Variants in TAFA5 observed in about 807,000 individuals in gnomAD.
TAFA5 encodes the protein TAFA chemokine like family member 5.
TAFA5 carries 6 observed loss-of-function variants against 15.3 expected under a neutral mutation model. The observed-to-expected ratio is 0.39, with a 90% CI of 0.21 to 0.77. TAFA5 has a LOEUF of 0.77. Among genes scored for constraint, TAFA5 ranks in the 30% least tolerant of loss-of-function variants. The probability of loss-of-function intolerance (pLI) is 0.41; values close to 1 mark genes in which losing one functional copy is unlikely to be tolerated. For missense variants in TAFA5, 161 were observed against 193.1 expected (o/e 0.83, Z 0.98); for synonymous variants, 103 against 80.7 (o/e 1.28, Z -1.48).
chr22:48,714,564 G>T (rs948153866), intron 3 of TAFA5, among the ~76,000 whole-genome samples: 10 of 152,172 alleles, frequency 6.6e-5, no homozygotes, highest in African/African-American at 2.4e-4. Flanking sequence ...CCTGGGCGGC[G>T]TTGGACCCTG....
chr22:48,565,260 C>T (rs931712422), intron 1 of TAFA5, among the ~76,000 whole-genome samples: 7 of 151,456 alleles, frequency 4.6e-5, no homozygotes, highest in South Asian at 2.1e-4. Flanking sequence ...GCACAGTAGG[C>T]GGGGCACTCC....
chr22:48,689,508 C>T (rs960039243), intron 2 of TAFA5, among the ~76,000 whole-genome samples: 1 of 152,188 alleles, frequency 6.6e-6, no homozygotes, highest in Non-Finnish European at 1.5e-5. Flanking sequence ...GAGGAACCTG[C>T]GCAGACTTGA....
chr22:48,671,575 G>A (rs1288109739), intron 2 of TAFA5, among the ~76,000 whole-genome samples: 1 of 152,186 alleles, frequency 6.6e-6, no homozygotes, highest in Admixed American at 6.5e-5. Context: ...CTGTTGGGAT[G>A]GAACAGTGTC....
At chr22:48,620,832 C>A (rs1338588731) in intron 1 of TAFA5, among the ~76,000 whole-genome samples, 1 of 96,692 alleles carries the variant, frequency 1.0e-5, no homozygotes. Flanking sequence ...ATACACCCAC[C>A]CACCCACACT....
chr22:48,728,650 A>G (rs1191212976), intron 3 of TAFA5, among the ~76,000 whole-genome samples: 1 of 152,232 alleles, frequency 6.6e-6, no homozygotes, highest in Non-Finnish European at 1.5e-5. Context: ...TGAAAGAGCT[A>G]CTCATCAGTG....
chr22:48,533,782 C>A (rs201422290), intron 1 of TAFA5, among the ~76,000 whole-genome samples: 1 of 151,566 alleles, frequency 6.6e-6, no homozygotes, highest in African/African-American at 2.4e-5. Context: ...TTTTTTTTTC[C>A]TTTTCCCACC....
chr22:48,526,571 G>A (rs1029295740), intron 1 of TAFA5, among the ~76,000 whole-genome samples: 8 of 152,338 alleles, frequency 5.3e-5, no homozygotes, highest in East Asian at 1.9e-4. Context: ...CATACAGGGC[G>A]GCTGCTGGCC....
rs886815835 is a variant in TAFA5 at position 48,568,947 on chromosome 22, C to T, written c.113-77650C>T. On this transcript the variant is annotated intron_variant, in intron 1 of 3. Coordinates refer to ENST00000402357, the MANE Select transcript of TAFA5 (RefSeq NM_001082967.3). ...GCTCACGGCCAGGGATGAGGGCAGA[C>T]GAGGGCAGAGCATCCTCTTGTGCTC... is the stretch of plus-strand genomic sequence containing the variant. Among the ~76,000 whole-genome samples, 5 of 152,116 alleles carry T rather than the reference C, an allele frequency of 3.3e-5. No homozygotes were observed. In the East Asian group the frequency reaches 5.8e-4, roughly 18 times the overall value.
In TAFA5 at chr22:48,635,105, C is replaced by A. The variant is rs964883384; in HGVS notation, c.113-11492C>A. Among the ~76,000 whole-genome samples the A allele has an allele frequency of 3.9e-5, 6 of 152,144 alleles. No individual in the cohort carries two copies. In the South Asian group the frequency reaches 1.2e-3, roughly 32 times the overall value. On this transcript the variant is annotated intron_variant, in intron 1 of 3. Coordinates refer to ENST00000402357, the MANE Select transcript of TAFA5 (RefSeq NM_001082967.3). ...GGGCCTGGGGCCTGGGGACGGAGAA[C>A]GCAGAGCACAGCCGGCCTTGTTCCC...
intron 1 of TAFA5, among the ~76,000 whole-genome samples, chr22:48,559,876 G>A (rs753417305): frequency 1.3e-5 from 2 of 152,168 alleles, no homozygotes; most frequent in Non-Finnish European, 2.9e-5. Flanking sequence ...TACAACCATC[G>A]CCAGAGATGC....
rs1922889260 is a variant in TAFA5 at position 48,552,459 on chromosome 22, T to C, written c.112+62755T>C. ...CGCTGCCTGCTGTGGGAAGCCCTTA[T>C]GAGCGTGTACATCCTCTCTCGGGGT... is the stretch of plus-strand genomic sequence containing the variant. On this transcript the variant is annotated intron_variant, in intron 1 of 3. Transcript: ENST00000402357. This position sits in a 1 kb window ranked among gnomAD's most constrained non-coding sequence, Gnocchi z 4.1. Among the ~76,000 whole-genome samples the C allele has an allele frequency of 6.6e-6, 1 of 152,154 alleles. No individual in the cohort carries two copies. Among genetic ancestry groups the C allele is most frequent in the Non-Finnish European group, 1.5e-5 (1 of 68,018 alleles).
At position 48,499,073 on chromosome 22, in the gene TAFA5, G is replaced by C. The variant is rs766456337; in HGVS notation, c.112+9369G>C. ...GCTCAGTGCAGCCCCTCCCAGACCG[G>C]CGGAGCTGCTGGAAAGGCTGTCTGC... is the stretch of plus-strand genomic sequence containing the variant. On this transcript the variant is annotated intron_variant, in intron 1 of 3. Transcript: ENST00000402357. Among the ~76,000 whole-genome samples the C allele has an allele frequency of 2.8e-4, 42 of 152,320 alleles. 1 individual carries two copies. Among genetic ancestry groups the C allele is most frequent in the Admixed American group, 5.2e-4 (8 of 15,312 alleles).
At chr22:48,621,316 A>C (rs1925829921) in intron 1 of TAFA5, among the ~76,000 whole-genome samples, 2 of 146,160 alleles carry the variant, frequency 1.4e-5, no homozygotes, top group Admixed American at 1.4e-4. Context: ...CCATCCATGC[A>C]CCCACCCATC....
intron 2 of TAFA5, among the ~76,000 whole-genome samples, chr22:48,686,070 G>A (rs1928345334): frequency 6.6e-6 from 1 of 152,148 alleles, no homozygotes; most frequent in Non-Finnish European, 1.5e-5. Flanking sequence ...AAGGGGTGCT[G>A]AGTGGGGTCA....
At position 48,526,174 on chromosome 22, in the gene TAFA5, C is replaced by T. The variant is rs376913002; in HGVS notation, c.112+36470C>T. Among the ~76,000 whole-genome samples, 7 of 152,356 alleles carry T rather than the reference C, an allele frequency of 4.6e-5. 1 individual carries two copies. Among genetic ancestry groups the T allele is most frequent in the Admixed American group, 6.5e-5 (1 of 15,306 alleles). Reference sequence around the variant, plus strand: ...GGTGCTCCCAGCATGAAGGGGCTGTCCAGGGCTGGGACTCCGGTCTGGCCT... The same window carrying T: ...GGTGCTCCCAGCATGAAGGGGCTGTTCAGGGCTGGGACTCCGGTCTGGCCT... On this transcript the variant is annotated intron_variant, in intron 1 of 3. Transcript: ENST00000402357.
chr22:48,611,820 G>T lies in TAFA5; in HGVS notation c.113-34777G>T, dbSNP rs111804608. ...GGGCAGAAGCTGTTCCAGGCCTCCG[G>T]ATGGGCAGAGGCAGTGCCTGGGGTG... On this transcript the variant is annotated intron_variant, in intron 1 of 3. Transcript: ENST00000402357. Among the ~76,000 whole-genome samples the T allele has an allele frequency of 8.6e-3, 1,305 of 152,258 alleles. 17 individuals are homozygous for T. Among genetic ancestry groups the T allele is most frequent in the African/African-American group, 0.028 (1,153 of 41,550 alleles).
intron 3 of TAFA5, among the ~76,000 whole-genome samples, chr22:48,735,293 A>T (rs1929977297): frequency 6.6e-6 from 1 of 152,296 alleles, no homozygotes; most frequent in East Asian, 1.9e-4. Context: ...GTCCAGTCAC[A>T]TGCATGACGC....
At chr22:48,589,132 C>T (rs559992267) in intron 1 of TAFA5, among the ~76,000 whole-genome samples, 2 of 152,180 alleles carry the variant, frequency 1.3e-5, no homozygotes, top group Non-Finnish European at 2.9e-5. Context: ...ACTCCCTGCT[C>T]CTGCCCGCTG....
intron 1 of TAFA5, among the ~76,000 whole-genome samples, chr22:48,627,098 A>C (rs540101297): frequency 6.6e-6 from 1 of 152,206 alleles, no homozygotes; most frequent in African/African-American, 2.4e-5. Context: ...GCCGGGATAC[A>C]CACCAAGGCC....
Sources: gnomAD v4.1 joint callset for allele counts (sites outside exome capture counted in the v4.1 genomes callset) on GRCh38, gnomAD v4.1.1 for gene constraint, Gnocchi (gnomAD v3.1) non-coding constraint, MANE v1.5 for transcripts, NCBI Gene and HGNC (gene_info 2026-07-23, HGNC 2026-07-21) for gene names.